Variants in KDM4B observed in about 807,000 individuals in gnomAD.
KDM4B encodes the protein lysine demethylase 4B.
KDM4B carries 32 observed loss-of-function variants against 125.2 expected under a neutral mutation model. The ratio of observed to expected loss-of-function variants is 0.26; its 90% CI spans 0.19 to 0.34. The LOEUF (loss-of-function observed/expected upper bound fraction) is 0.34. KDM4B is among the 10% of genes least tolerant of loss of function. The pLI, the probability that KDM4B is intolerant of heterozygous loss-of-function variation, is 1.00. For missense variants in KDM4B, 1,190 were observed against 1,577.7 expected (o/e 0.75, Z 4.16); for synonymous variants, 721 against 677.9 (o/e 1.06, Z -0.99).
At chr19:5,072,313 G>T (rs1008730555) in intron 7 of KDM4B, among the ~76,000 whole-genome samples, 1 of 152,220 alleles carries the variant, frequency 6.6e-6, no homozygotes, top group African/African-American at 2.4e-5. Context: ...CCCAAGCGCG[G>T]CAGATTCGGT....
intron 1 of KDM4B, among the ~76,000 whole-genome samples, chr19:5,012,745 G>A (rs1599411552): frequency 1.3e-5 from 2 of 152,232 alleles, no homozygotes; most frequent in Admixed American, 6.5e-5. Flanking sequence ...GCGTCAGGAC[G>A]TGGGCCATCA....
chr19:5,062,176 C>T (rs1294564624), intron 6 of KDM4B, among the ~76,000 whole-genome samples: 1 of 152,362 alleles, frequency 6.6e-6, no homozygotes, highest in East Asian at 1.9e-4. Context: ...CATCTCCTCT[C>T]CCTCTCTCTC....
At chr19:5,108,678 G>A (rs1002096501) in intron 9 of KDM4B, among the ~76,000 whole-genome samples, 1 of 152,230 alleles carries the variant, frequency 6.6e-6, no homozygotes, top group African/African-American at 2.4e-5. Context: ...CATTGAGCAC[G>A]GGTGGTGACA....
intron 20 of KDM4B, 139 bp from the exon 21 acceptor site, chr19:5,144,644 G>A (rs1368081956): frequency 7.0e-6 from 9 of 1,283,308 alleles, no homozygotes; most frequent in African/African-American, 6.0e-5. Context: ...GCACCGCCCC[G>A]CTACCCCGGG....
At chr19:4,972,642 G>A (rs762601013) in intron 1 of KDM4B, among the ~76,000 whole-genome samples, 1 of 152,248 alleles carries the variant, frequency 6.6e-6, no homozygotes, top group Non-Finnish European at 1.5e-5. Context: ...ACCCCGCAGT[G>A]AGAACCTTGG....
chr19:4,996,104 C>T (rs1015181098), intron 1 of KDM4B, among the ~76,000 whole-genome samples: 5 of 152,166 alleles, frequency 3.3e-5, no homozygotes, highest in South Asian at 2.1e-4. Context: ...ATTCTCCTGC[C>T]TCAGACTCCT....
chr19:5,008,576 CTTCTTT>C (rs1427857923), intron 1 of KDM4B, among the ~76,000 whole-genome samples: 45 of 150,098 alleles, frequency 3.0e-4, no homozygotes, highest in African/African-American at 9.5e-4. Context: ...CTCCTTGTTT[CTTCTTT>C]TTCTTTTTCT....
intron 6 of KDM4B, among the ~76,000 whole-genome samples, chr19:5,058,565 G>T (rs1231957505): frequency 6.6e-6 from 1 of 152,332 alleles, no homozygotes. Flanking sequence ...TTTCGGGCCA[G>T]GGCCTGGGTG....
Position 5,151,515 on chromosome 19 carries a change from A to C in KDM4B, c.*4A>C. On this transcript the variant is annotated 3_prime_UTR_variant, in exon 23 of 23. Transcript: ENST00000159111. ...CCGGCCCGGAGCCCCCTTCTAGGAC[A>C]GCTGGCCGCTCAGGCGACCCTCAGC... is the stretch of plus-strand genomic sequence containing the variant. 1 of 1,376,448 alleles carries C rather than the reference A, an allele frequency of 7.3e-7. No individual in the cohort carries two copies. 85.3% of individuals were successfully genotyped at this position (1,376,448 alleles called of 1,614,324 possible). A position where few individuals can be genotyped will look rare whatever the true frequency, so the allele number is the denominator to read the frequency against.
chr19:5,028,226 C>T (rs2036342742), intron 2 of KDM4B, among the ~76,000 whole-genome samples: 1 of 152,244 alleles, frequency 6.6e-6, no homozygotes, highest in Non-Finnish European at 1.5e-5. Context: ...CCCCTCCCGC[C>T]TCAGCCCCCC....
intron 6 of KDM4B, among the ~76,000 whole-genome samples, chr19:5,065,104 C>T (rs1359187166): frequency 3.9e-5 from 6 of 152,212 alleles, no homozygotes; most frequent in Non-Finnish European, 7.4e-5. Context: ...TGCCCACAGG[C>T]GAAGCAGGCA....
At chr19:5,077,170 G>A (rs980455585) in intron 7 of KDM4B, 197 bp from the exon 8 acceptor site, 13 of 604,826 alleles carry the variant, frequency 2.1e-5, no homozygotes, top group South Asian at 3.8e-5. Context: ...ACTATGGGGC[G>A]GCTCCTGCGC....
At chr19:5,138,939 G>A (rs2039695863) in intron 18 of KDM4B, among the ~76,000 whole-genome samples, 1 of 152,196 alleles carries the variant, frequency 6.6e-6, no homozygotes, top group Non-Finnish European at 1.5e-5. Context: ...TCTTTCTTAA[G>A]AGACAGGGTC....
chr19:5,061,840 AC>A (rs1342541862), intron 6 of KDM4B, among the ~76,000 whole-genome samples: 3 of 151,578 alleles, frequency 2.0e-5, no homozygotes, highest in East Asian at 1.9e-4. Flanking sequence ...AAAAAAAAAA[AC>A]AAAAAACAAC....
chr19:5,014,087 G>T (rs1171578133), intron 1 of KDM4B, among the ~76,000 whole-genome samples: 1 of 152,262 alleles, frequency 6.6e-6, no homozygotes, highest in Non-Finnish European at 1.5e-5. Flanking sequence ...TTAAAAAGCA[G>T]ATTAAAATAA....
At chr19:5,150,885 T>G (rs1653673584) in intron 22 of KDM4B, among the ~76,000 whole-genome samples, 1 of 152,184 alleles carries the variant, frequency 6.6e-6, no homozygotes, top group African/African-American at 2.4e-5. Context: ...TTTTCCTTAT[T>G]AAACGGGAGC....
chr19:5,105,191 C>T (rs954995410), intron 9 of KDM4B, among the ~76,000 whole-genome samples: 1 of 152,234 alleles, frequency 6.6e-6, no homozygotes, highest in African/African-American at 2.4e-5. Flanking sequence ...GGCCAGGACT[C>T]TCCATGCCTG....
intron 11 of KDM4B, among the ~76,000 whole-genome samples, chr19:5,120,630 T>A (rs189838578): frequency 1.3e-5 from 2 of 152,222 alleles, no homozygotes; most frequent in East Asian, 3.9e-4. Context: ...CACCTGTGAG[T>A]GTGTAAAGGT....
At chr19:5,122,025 T>C (rs1370868166) in intron 11 of KDM4B, among the ~76,000 whole-genome samples, 6 of 152,124 alleles carry the variant, frequency 3.9e-5, no homozygotes, top group Non-Finnish European at 5.9e-5. Flanking sequence ...CTGGGGCCGC[T>C]GAAATGAAGG....
Sources: gnomAD v4.1 joint callset for allele counts (sites outside exome capture counted in the v4.1 genomes callset) on GRCh38, gnomAD v4.1.1 for gene constraint, MANE v1.5 for transcripts, NCBI Gene and HGNC (gene_info 2026-07-23, HGNC 2026-07-21) for gene names.